Variants in CSMD2 observed in about 807,000 individuals in gnomAD.
CSMD2 encodes CUB and Sushi multiple domains 2, also known as CUB and sushi domain-containing protein 2.
CSMD2 carries 130 observed loss-of-function variants against 398.5 expected under a neutral mutation model. The observed-to-expected ratio is 0.33, with a 90% confidence interval of 0.28 to 0.38. CSMD2 has a LOEUF of 0.38. Ranked by LOEUF, CSMD2 falls within the 10% of genes least tolerant of loss-of-function variation. The probability of loss-of-function intolerance (pLI) is 1.00; values close to 1 mark genes in which losing one functional copy is unlikely to be tolerated. For missense variants in CSMD2, 3,829 were observed against 4,764.9 expected (o/e 0.80, Z 5.78); for synonymous variants, 1,828 against 1,908.5 (o/e 0.96, Z 1.10).
rs144576881 is a variant in CSMD2 at position 33,655,444 on chromosome 1, G to C, written c.4447+2502C>G. 1.8e-3 allele frequency among the ~76,000 whole-genome samples: 276 copies of C among 152,292 alleles called. 2 individuals carry two copies. Among genetic ancestry groups the C allele is most frequent in the Non-Finnish European group, 2.5e-3 (173 of 68,034 alleles). On this transcript the variant is annotated intron_variant, in intron 27 of 70. Coordinates refer to ENST00000373381, the MANE Select transcript of CSMD2 (RefSeq NM_001281956.2). ...TCCTCAAAACAATGCTAGATGGTAA[G>C]TACTACCATTTTCACTATTTTACTG...
At chr1:33,947,818 T>C (rs1429926723) in intron 3 of CSMD2, among the ~76,000 whole-genome samples, 1 of 152,196 alleles carries the variant, frequency 6.6e-6, no homozygotes, top group Non-Finnish European at 1.5e-5. Flanking sequence ...TATGACAAAC[T>C]TCACACTTAA....
chr1:33,825,499 G>A (rs1658696165), intron 7 of CSMD2, among the ~76,000 whole-genome samples, 198 bp downstream of exon 7: 1 of 152,272 alleles, frequency 6.6e-6, no homozygotes, highest in African/African-American at 2.4e-5. Context: ...GGGAAGAGGA[G>A]GAGGAGAAGG....
intron 3 of CSMD2, among the ~76,000 whole-genome samples, chr1:33,969,072 T>C (rs1157899729): frequency 6.6e-6 from 1 of 152,140 alleles, no homozygotes; most frequent in African/African-American, 2.4e-5. Flanking sequence ...TTAGAGGTGA[T>C]CATTGAAACG....
At position 33,625,038 on chromosome 1, in the gene CSMD2, C is replaced by T. The variant is rs1642020776; in HGVS notation, c.5500+13G>A. The T allele has an allele frequency of 6.2e-6, 10 of 1,613,480 alleles. No homozygotes were observed. The South Asian group carries it at 7.7e-5, about 12-fold the overall frequency. On this transcript the variant is annotated intron_variant, in intron 34 of 70. Coordinates refer to ENST00000373381, the MANE Select transcript of CSMD2 (RefSeq NM_001281956.2). Reference sequence around the variant, plus strand: ...CCCCCCGCACCCTCAACGCCCGGGTCCTGGTTACTCACCCACACACGTGGG... The same window carrying T: ...CCCCCCGCACCCTCAACGCCCGGGTTCTGGTTACTCACCCACACACGTGGG...
intron 3 of CSMD2, among the ~76,000 whole-genome samples, chr1:33,952,632 C>T (rs1219850757): frequency 6.6e-6 from 1 of 152,074 alleles, no homozygotes; most frequent in East Asian, 1.9e-4. Context: ...AGAGCATTTA[C>T]AGTCATGAGT....
chr1:33,793,041 C>CT (rs1654512348), intron 10 of CSMD2, among the ~76,000 whole-genome samples: 1 of 152,322 alleles, frequency 6.6e-6, no homozygotes. Flanking sequence ...TTTAATCCTG[C>CT]CTTCCACAAA....
intron 3 of CSMD2, among the ~76,000 whole-genome samples, chr1:34,023,819 T>G (rs1649263821): frequency 6.6e-6 from 1 of 152,178 alleles, no homozygotes; most frequent in Non-Finnish European, 1.5e-5. Context: ...TAGTTCCTTA[T>G]CTAAGGGCAT....
chr1:33,522,966 C>T (rs1654448124), intron 67 of CSMD2, among the ~76,000 whole-genome samples: 1 of 152,200 alleles, frequency 6.6e-6, no homozygotes, highest in South Asian at 2.1e-4. Context: ...AGACTCACTG[C>T]CTTCTTCCAG....
intron 25 of CSMD2, among the ~76,000 whole-genome samples, chr1:33,682,010 A>G (rs931705973): frequency 9.9e-5 from 15 of 152,168 alleles, no homozygotes; most frequent in African/African-American, 3.4e-4. Flanking sequence ...TTATTCTTTC[A>G]TAGTTCTGGA....
rs1658690183 is a variant in CSMD2 at position 34,092,462 on chromosome 1, A to C, written c.188-3269T>G. 3.3e-5 allele frequency among the ~76,000 whole-genome samples: 5 copies of C among 152,258 alleles called. No individual in the cohort carries two copies. In the South Asian group the frequency reaches 1.0e-3, roughly 32 times the overall value. ...ACAGCTCCCAGCGTGAGCGAGGCAG[A>C]AGAGGGGTGATTTCTGCATTTCCAT... On this transcript the variant is annotated intron_variant, in intron 1 of 70. Transcript: ENST00000373381.
intron 4 of CSMD2, among the ~76,000 whole-genome samples, chr1:33,932,606 C>G (rs1644349660): frequency 6.6e-6 from 1 of 152,130 alleles, no homozygotes; most frequent in African/African-American, 2.4e-5. Flanking sequence ...GCCCGCTGTG[C>G]CTGGACACAA....
At chr1:33,825,496 G>C (rs889735639) in intron 7 of CSMD2, among the ~76,000 whole-genome samples, 6 of 152,262 alleles carry the variant, frequency 3.9e-5, no homozygotes, top group African/African-American at 1.2e-4. Flanking sequence ...AATGGGAAGA[G>C]GAGGAGGAGA....
At chr1:33,711,012 T>C (rs1455763219) in intron 21 of CSMD2, among the ~76,000 whole-genome samples, 1 of 152,242 alleles carries the variant, frequency 6.6e-6, no homozygotes, top group Admixed American at 6.5e-5. Flanking sequence ...CTTTTAAACT[T>C]AGTCTGTTTG....
intron 1 of CSMD2, among the ~76,000 whole-genome samples, chr1:34,138,345 A>G (rs1558447590): frequency 1.3e-5 from 2 of 152,202 alleles, no homozygotes; most frequent in Admixed American, 6.5e-5. Context: ...TAAGGTAAGG[A>G]ATCTCATATG....
rs759932290 is a variant in CSMD2, at chr1:33,662,891, T to G, written c.4254A>C (p.Ser1418=). 4 of 1,614,056 alleles carry G rather than the reference T, an allele frequency of 2.5e-6. No homozygotes were observed. Among genetic ancestry groups the G allele is most frequent in the Non-Finnish European group, 3.4e-6 (4 of 1,179,988 alleles). The part of the protein sequence containing the change: ...TSKQGFAIQF[S]VSTATSCNDP... Reference sequence around the variant, plus strand: ...GGCTGGCAGAGGGCACGCACAGACCTGAAAATTGAATGGCAAAGCCCTGCT... The same window carrying G: ...GGCTGGCAGAGGGCACGCACAGACCGGAAAATTGAATGGCAAAGCCCTGCT... Residue 1418 remains serine, a splice_region_variant and synonymous_variant, in exon 26 of 71, where the codon TCA becomes TCC. Transcript: ENST00000373381.
At chr1:33,657,601 T>C (rs1643987974) in intron 27 of CSMD2, among the ~76,000 whole-genome samples, 1 of 152,262 alleles carries the variant, frequency 6.6e-6, no homozygotes, top group Non-Finnish European at 1.5e-5. Flanking sequence ...GAAGGGTCAT[T>C]TCGGAATCTG....
At chr1:34,165,583 C>T (rs1641814297), upstream of CSMD2, among the ~76,000 whole-genome samples, 3 of 147,220 alleles carry the variant, frequency 2.0e-5, no homozygotes, top group South Asian at 6.4e-4. Flanking sequence ...CCCCCCTCTC[C>T]ACACACACAC....
At chr1:33,975,889 C>T (rs1435534702) in intron 3 of CSMD2, among the ~76,000 whole-genome samples, 2 of 152,232 alleles carry the variant, frequency 1.3e-5, no homozygotes, top group East Asian at 3.8e-4. Flanking sequence ...GCTCCCTCCA[C>T]CATTGCCTCT....
At chr1:33,615,012 T>G (rs1052322380) in intron 39 of CSMD2, among the ~76,000 whole-genome samples, 1 of 152,202 alleles carries the variant, frequency 6.6e-6, no homozygotes, top group East Asian at 1.9e-4. Flanking sequence ...CTTTCAAGAC[T>G]GCAGAAAAAG....
Sources: gnomAD v4.1 joint callset for allele counts (sites outside exome capture counted in the v4.1 genomes callset) on GRCh38, gnomAD v4.1.1 for gene constraint, MANE v1.5 for transcripts, NCBI Gene and HGNC (gene_info 2026-07-23, HGNC 2026-07-21) for gene names.